The following RAP1GAP2 variants were observed in gnomAD, a reference collection of about 807,000 sequenced individuals.
RAP1GAP2 encodes the protein RAP1 GTPase activating protein 2.
Under a neutral mutation model 95.0 loss-of-function variants are expected in RAP1GAP2, and 27 were observed. The ratio of observed to expected loss-of-function variants is 0.28; its 90% CI spans 0.21 to 0.39. The LOEUF (loss-of-function observed/expected upper bound fraction) is 0.39, where lower values mean the gene tolerates loss of function less well. Ranked by LOEUF, RAP1GAP2 falls within the 10% of genes least tolerant of loss-of-function variation. RAP1GAP2 has a pLI of 1.00. For synonymous variants in RAP1GAP2, 373 were observed against 380.9 expected (o/e 0.98, Z 0.24); for missense variants, 771 against 970.0 (o/e 0.79, Z 2.72).
At chr17:2,947,072 T>C (rs1193998632) in intron 3 of RAP1GAP2, among the ~76,000 whole-genome samples, 2 of 152,188 alleles carry the variant, frequency 1.3e-5, no homozygotes, top group Non-Finnish European at 1.5e-5. Context: ...GTGTTTTAAC[T>C]AGCCCCCAGG....
chr17:2,929,004 C>A (rs780048145), intron 3 of RAP1GAP2, among the ~76,000 whole-genome samples: 1 of 152,106 alleles, frequency 6.6e-6, no homozygotes, highest in Admixed American at 6.6e-5. Flanking sequence ...GAAGCCGAGG[C>A]AGGACAATTG....
intron 1 of RAP1GAP2, among the ~76,000 whole-genome samples, chr17:2,783,423 C>A (rs2068703368): frequency 6.6e-6 from 1 of 152,174 alleles, no homozygotes; most frequent in African/African-American, 2.4e-5. Context: ...TGGAAGACAG[C>A]TTGGAACACA....
chr17:3,027,594 C>T lies in RAP1GAP2; in HGVS notation c.2107+524C>T, dbSNP rs542596603. Among the ~76,000 whole-genome samples, 3 of 151,460 alleles carry T rather than the reference C, an allele frequency of 2.0e-5. No homozygotes were observed. The South Asian group carries it at 6.2e-4, about 32-fold the overall frequency. The stretch of plus-strand genomic sequence containing the variant: ...TTCACAGAGCCAGGCGTCAGAGAGG[C>T]CGGAGCGTTGACAGGCTGGGTCAGC... On this transcript the variant is annotated intron_variant, in intron 22 of 24. Coordinates refer to ENST00000254695, the MANE Select transcript of RAP1GAP2 (RefSeq NM_015085.5). The surrounding 1 kb of genome is among the most constrained non-coding windows in gnomAD (Gnocchi z 5.2).
chr17:2,816,501 C>A (rs2070035223), intron 2 of RAP1GAP2, among the ~76,000 whole-genome samples: 1 of 151,978 alleles, frequency 6.6e-6, no homozygotes, highest in Non-Finnish European at 1.5e-5. Context: ...CCACACCTGG[C>A]TAATTTTTAT....
At chr17:2,844,331 T>C (rs1449268122) in intron 2 of RAP1GAP2, among the ~76,000 whole-genome samples, 3 of 152,132 alleles carry the variant, frequency 2.0e-5, no homozygotes. Flanking sequence ...GCCAGCGCGG[T>C]TTCTGAAGCT....
chr17:2,935,240 G>A (rs564847030), intron 3 of RAP1GAP2, among the ~76,000 whole-genome samples: 2 of 152,170 alleles, frequency 1.3e-5, no homozygotes, highest in Non-Finnish European at 1.5e-5. Flanking sequence ...AGGCGCAGTG[G>A]CTCACACCTG....
chr17:2,913,765 A>C (rs9891984), intron 3 of RAP1GAP2, among the ~76,000 whole-genome samples: 13,968 of 152,234 alleles, frequency 0.092, 1,306 homozygotes, highest in East Asian at 0.3. Flanking sequence ...ACATTTCTGC[A>C]ACCCCAGAAA....
intron 2 of RAP1GAP2, among the ~76,000 whole-genome samples, chr17:2,880,591 T>G (rs886158067): frequency 6.6e-6 from 1 of 151,990 alleles, no homozygotes; most frequent in Non-Finnish European, 1.5e-5. Flanking sequence ...CCAGACCATG[T>G]TCATCATCCA....
At chr17:2,933,148 G>C (rs530010411) in intron 3 of RAP1GAP2, among the ~76,000 whole-genome samples, 1 of 152,254 alleles carries the variant, frequency 6.6e-6, no homozygotes, top group Non-Finnish European at 1.5e-5. Flanking sequence ...GCGAGTGGAA[G>C]GAAATGGAGT....
chr17:2,926,660 T>TA (rs1369421763), intron 3 of RAP1GAP2, among the ~76,000 whole-genome samples: 1 of 152,138 alleles, frequency 6.6e-6, no homozygotes, highest in African/African-American at 2.4e-5. Flanking sequence ...TCTATCATCT[T>TA]ACAGTTCTGA....
intron 1 of RAP1GAP2, among the ~76,000 whole-genome samples, chr17:2,777,674 C>T (rs1354034413): frequency 6.6e-6 from 1 of 152,172 alleles, no homozygotes; most frequent in Non-Finnish European, 1.5e-5. Flanking sequence ...TTCTATAGCT[C>T]CCCCTACATG....
chr17:2,891,773 CTGTTGA>C (rs1399309439), intron 2 of RAP1GAP2, among the ~76,000 whole-genome samples: 1 of 139,654 alleles, frequency 7.2e-6, no homozygotes, highest in Non-Finnish European at 1.5e-5. Context: ...TCCAGAGTTG[CTGTTGA>C]AAAGTCTGAT....
intron 2 of RAP1GAP2, among the ~76,000 whole-genome samples, chr17:2,888,098 C>CA (rs1336069019): frequency 2.0e-5 from 3 of 152,124 alleles, no homozygotes; most frequent in East Asian, 1.9e-4. Context: ...AACTCTGTCT[C>CA]AGAGTTTTTA....
intron 1 of RAP1GAP2, among the ~76,000 whole-genome samples, chr17:2,757,903 A>T (rs976775603): frequency 9.4e-5 from 14 of 149,520 alleles, no homozygotes; most frequent in Admixed American, 2.0e-4. Flanking sequence ...GGAGTCTCAC[A>T]CTGTCACCCA....
rs1232155747 is a variant in RAP1GAP2 at position 3,003,704 on chromosome 17, G to A, written c.1201-1665G>A. 1.3e-5 allele frequency among the ~76,000 whole-genome samples: 2 copies of A among 152,100 alleles called. No individual in the cohort carries two copies. Among genetic ancestry groups the A allele is most frequent in the Admixed American group, 6.6e-5 (1 of 15,262 alleles). On this transcript the variant is annotated intron_variant, in intron 14 of 24. Coordinates refer to ENST00000254695, the MANE Select transcript of RAP1GAP2 (RefSeq NM_015085.5). This position sits in a 1 kb window ranked among gnomAD's most constrained non-coding sequence, Gnocchi z 4.1. The stretch of plus-strand genomic sequence containing the variant: ...CTCCAAGCCCTCGCTGGAGGCCCTC[G>A]CTGCATTTAGAAAACAGGAAGGTGG...
rs532506658 is a variant in RAP1GAP2 at position 2,845,294 on chromosome 17, C to G, written c.80+44744C>G. 6.8e-4 allele frequency among the ~76,000 whole-genome samples: 104 copies of G among 152,272 alleles called. 1 individual carries two copies. The highest frequency in any genetic ancestry group is 9.6e-4 in the Non-Finnish European group (65 of 68,040). On this transcript the variant is annotated intron_variant, in intron 2 of 24. Coordinates refer to ENST00000254695, the MANE Select transcript of RAP1GAP2 (RefSeq NM_015085.5). ...AGTAGCTGGGATTACAGGCGCCCAC[C>G]ACCACGCCCAGCTAATTTTTGTATT... is the stretch of plus-strand genomic sequence containing the variant.
chr17:2,954,355 C>T (rs960310562), intron 3 of RAP1GAP2, among the ~76,000 whole-genome samples: 54 of 152,094 alleles, frequency 3.6e-4, no homozygotes, highest in East Asian at 1.2e-3. Flanking sequence ...CCGCCCGCCT[C>T]GGCCTCCCAA....
chr17:2,846,403 G>A (rs928545982), intron 2 of RAP1GAP2, among the ~76,000 whole-genome samples: 5 of 151,898 alleles, frequency 3.3e-5, no homozygotes, highest in African/African-American at 7.3e-5. Flanking sequence ...CGACTTTGGC[G>A]GTTTGTTTTG....
intron 2 of RAP1GAP2, among the ~76,000 whole-genome samples, chr17:2,892,398 C>T (rs552618802): frequency 1.1e-4 from 16 of 152,228 alleles, no homozygotes; most frequent in Non-Finnish European, 2.4e-4. Context: ...TCAGCTAGGG[C>T]GTGTTGGAGA....
Sources: allele counts gnomAD v4.1 joint callset (sites outside exome capture counted in the v4.1 genomes callset), GRCh38; gene constraint gnomAD v4.1.1; non-coding constraint Gnocchi (gnomAD v3.1); transcripts MANE v1.5; gene names NCBI Gene and HGNC (gene_info 2026-07-23, HGNC 2026-07-21).